The following NQO2 variants were observed in gnomAD, a reference collection of about 807,000 sequenced individuals.
NQO2 encodes ribosyldihydronicotinamide dehydrogenase [quinone].
In NQO2, 18 loss-of-function variants were observed where a neutral mutation model predicts 22.0. The ratio of observed to expected loss-of-function variants is 0.82; its 90% CI spans 0.56 to 1.21. The LOEUF is 1.21. NQO2 is among the 50% of genes most tolerant of loss of function. The pLI is 0.00. For synonymous variants in NQO2, 106 were observed against 110.8 expected (o/e 0.96, Z 0.28); for missense variants, 267 against 286.9 (o/e 0.93, Z 0.50).
chr6:3,018,895 A>G (rs1757433071), intron 6 of NQO2, among the ~76,000 whole-genome samples: 1 of 151,878 alleles, frequency 6.6e-6, no homozygotes, highest in Non-Finnish European at 1.5e-5. Flanking sequence ...ACAATATGAA[A>G]TATAAAAAGA....
rs1301408747 is a variant in NQO2 at position 3,010,190 on chromosome 6, G to T, written c.172+1G>T. Reference sequence around the variant, plus strand: ...AGGGCCACAGACAAAGATATCACTGGTGAGTCATGGGATAAATGCTCTATT... The same window carrying T: ...AGGGCCACAGACAAAGATATCACTGTTGAGTCATGGGATAAATGCTCTATT... On this transcript the variant is annotated splice_donor_variant, in intron 3 of 6. Transcript: ENST00000380455. LOFTEE classifies it high-confidence loss of function. 1 of 1,605,276 alleles carries T rather than the reference G, an allele frequency of 6.2e-7. No homozygotes were observed. Among genetic ancestry groups the T allele is most frequent in the Non-Finnish European group, 8.5e-7 (1 of 1,175,478 alleles).
At position 3,019,582 on chromosome 6, in the gene NQO2, G is replaced by C. The variant is rs1194498662; in HGVS notation, c.623G>C (p.Trp208Ser). 6.2e-7 allele frequency: 1 copy of C among 1,614,190 alleles called. No homozygotes were observed. Among genetic ancestry groups the C allele is most frequent in the African/African-American group, 1.3e-5 (1 of 75,044 alleles). Residue 208 changes from tryptophan (W) to serine (S), a missense_variant, in exon 7 of 7, where the codon TGG becomes TCG. Coordinates refer to ENST00000380455, the MANE Select transcript of NQO2 (RefSeq NM_000904.6). ...GAAAGAAAGGGGATGGTGGCTGCGT[G>C]GTCCCAGAGGCTGCAGACCATCTGG... is the stretch of plus-strand genomic sequence containing the variant. Reference protein sequence around the residue: ...EEERKGMVAAWSQRLQTIWKE... With the variant: ...EEERKGMVAASSQRLQTIWKE...
rs112119502 is a variant in NQO2 at position 3,008,903 on chromosome 6, A to C, written c.8-1122A>C. 2.1e-3 allele frequency among the ~76,000 whole-genome samples: 318 copies of C among 152,282 alleles called. 3 individuals are homozygous for C. The highest frequency in any genetic ancestry group is 7.3e-3 in the African/African-American group (302 of 41,548). ...GGGTCACAGAGATCACATGCTTCAC[A>C]AGGTAATAGAATATCACAAAGCAAA... On this transcript the variant is annotated intron_variant, in intron 2 of 6. Coordinates refer to ENST00000380455, the MANE Select transcript of NQO2 (RefSeq NM_000904.6).
intron 1 of NQO2, among the ~76,000 whole-genome samples, chr6:3,002,453 C>T (rs28383600): frequency 3.2e-3 from 482 of 152,200 alleles, no homozygotes; most frequent in Middle Eastern, 0.024. Flanking sequence ...GGACTACAGG[C>T]ACATGCCACC....
rs555898484 is a variant in NQO2 at position 3,016,606 on chromosome 6, G to A, written c.418-278G>A. The A allele has an allele frequency of 4.3e-5, 10 of 234,414 alleles. No individual in the cohort carries two copies. The South Asian group carries it at 7.8e-4, about 18-fold the overall frequency. The allele number at this position is 234,414 out of a possible 1,614,324, so 14.5% of individuals were successfully genotyped here. A position where few individuals can be genotyped will look rare whatever the true frequency, so the allele number is the denominator to read the frequency against. ...TTGTCCTGTGGTCAGTGCCTCGGCCGTATCCATCACACATGGTGTCATGGA... is the reference window on the plus strand; with the variant it reads ...TTGTCCTGTGGTCAGTGCCTCGGCCATATCCATCACACATGGTGTCATGGA... On this transcript the variant is annotated intron_variant, in intron 5 of 6. Transcript: ENST00000380455.
intron 1 of NQO2, chr6:3,004,534 C>T: frequency 1.0e-6 from 1 of 985,626 alleles, no homozygotes; most frequent in Non-Finnish European, 1.2e-6. Flanking sequence ...CAGCACCCAC[C>T]TCACTTCTTG....
At chr6:3,011,484 T>C (rs1037945927) in intron 3 of NQO2, among the ~76,000 whole-genome samples, 9 of 152,094 alleles carry the variant, frequency 5.9e-5, no homozygotes, top group Non-Finnish European at 1.3e-4. Flanking sequence ...CTAAGAATGA[T>C]TGGTGCTTAA....
At chr6:3,011,737 T>C (rs1487138149) in intron 3 of NQO2, among the ~76,000 whole-genome samples, 1 of 152,164 alleles carries the variant, frequency 6.6e-6, no homozygotes, top group Non-Finnish European at 1.5e-5. Flanking sequence ...GGCAACAGAC[T>C]TCTCAACAGA....
intron 1 of NQO2, among the ~76,000 whole-genome samples, chr6:3,001,233 G>A (rs889320613): frequency 6.6e-6 from 1 of 151,932 alleles, no homozygotes; most frequent in African/African-American, 2.4e-5. Context: ...GGGATTACAG[G>A]TGCGTGCCAC....
chr6:3,004,789 A>G (rs976266436), intron 1 of NQO2: 5 of 307,296 alleles, frequency 1.6e-5, no homozygotes, highest in African/African-American at 6.8e-5. Context: ...CACTCTCTGC[A>G]TTGTTTTTTT....
At chr6:3,013,836 T>G (rs757951405) in intron 4 of NQO2, among the ~76,000 whole-genome samples, 1 of 152,136 alleles carries the variant, frequency 6.6e-6, no homozygotes, top group Non-Finnish European at 1.5e-5. Flanking sequence ...GGGAATCTAT[T>G]ATAAGGGCTC....
intron 3 of NQO2, chr6:3,012,342 T>TA (rs1218689568): frequency 1.0e-6 from 1 of 970,942 alleles, no homozygotes; most frequent in Non-Finnish European, 1.2e-6. Flanking sequence ...CAGCACCTGC[T>TA]AGGTAGCAAG....
rs767519128 is a variant in NQO2 at position 3,019,403 on chromosome 6, C to T, written c.520-76C>T. ...GAAGGTTTGTTTCACACCATTTCCC[C>T]CCTTAAATCATTTAACTGAATGGTA... On this transcript the variant is annotated intron_variant, in intron 6 of 6. Coordinates refer to ENST00000380455, the MANE Select transcript of NQO2 (RefSeq NM_000904.6). The T allele has an allele frequency of 1.1e-4, 171 of 1,493,600 alleles. 2 individuals carry two copies. In the Admixed American group the frequency reaches 1.5e-3, roughly 13 times the overall value. 92.5% of individuals were successfully genotyped at this position (1,493,600 alleles called of 1,614,324 possible).
intron 6 of NQO2, among the ~76,000 whole-genome samples, chr6:3,018,109 T>G (rs1344659536): frequency 4.6e-5 from 7 of 152,228 alleles, no homozygotes; most frequent in Non-Finnish European, 1.0e-4. Flanking sequence ...TTCTTTTGAT[T>G]GGTGAAAGCT....
chr6:3,008,576 C>T (rs1323371042), intron 2 of NQO2, among the ~76,000 whole-genome samples: 1 of 152,176 alleles, frequency 6.6e-6, no homozygotes, highest in Non-Finnish European at 1.5e-5. Flanking sequence ...ATGGCAAAAT[C>T]CCATCTGTAC....
Position 3,004,463 on chromosome 6 carries a change from A to G in NQO2, c.-85-2005A>G, listed in dbSNP as rs1248612221. The G allele has an allele frequency of 5.1e-6, 5 of 985,898 alleles. No individual in the cohort carries two copies. The South Asian group carries it at 1.9e-4, about 37-fold the overall frequency. The allele number at this position is 985,898 out of a possible 1,614,324, so 61.1% of individuals were successfully genotyped here. Reference sequence around the variant, plus strand: ...TGCCCCCAACTCAGCTTCAGCCACAATGATGTAGCCTCTTTTCCTTTCCAT... The same window carrying G: ...TGCCCCCAACTCAGCTTCAGCCACAGTGATGTAGCCTCTTTTCCTTTCCAT... On this transcript the variant is annotated intron_variant, in intron 1 of 6. Transcript: ENST00000380455.
At chr6:3,017,105 GA>G (rs1757357664) in intron 6 of NQO2, 120 bp downstream of exon 6, 1 of 1,166,420 alleles carries the variant, frequency 8.6e-7, no homozygotes, top group Admixed American at 2.1e-5. Context: ...CCCGAGGGGT[GA>G]GATGAGATGG....
chr6:3,017,346 G>T (rs1885298), intron 6 of NQO2, among the ~76,000 whole-genome samples: 29,310 of 152,122 alleles, frequency 0.19, 2,998 homozygotes, highest in Non-Finnish European at 0.22. Context: ...TGATACGTGC[G>T]GGTGGAGGCC....
chr6:3,016,822 C>T, intron 5 of NQO2, 62 bp from the exon 6 acceptor site: 1 of 1,590,810 alleles, frequency 6.3e-7, no homozygotes, highest in Non-Finnish European at 8.5e-7. Context: ...GTGCTGGAGG[C>T]TCAGCAACAT....
Sources: gnomAD v4.1 joint callset for allele counts (sites outside exome capture counted in the v4.1 genomes callset) on GRCh38, gnomAD v4.1.1 for gene constraint, MANE v1.5 for transcripts, NCBI Gene and HGNC (gene_info 2026-07-23, HGNC 2026-07-21) for gene names.